PDZRN4: variants seen among roughly 807,000 people sequenced by gnomAD.
PDZRN4 encodes PDZ domain containing ring finger 4.
A neutral mutation model predicts 99.0 loss-of-function variants in PDZRN4; 70 were observed. The ratio of observed to expected loss-of-function variants is 0.71; its 90% confidence interval spans 0.58 to 0.86. PDZRN4 has a LOEUF of 0.86. PDZRN4 is among the 40% of genes least tolerant of loss of function. The probability of loss-of-function intolerance (pLI) is 0.00; values close to 1 mark genes in which losing one functional copy is unlikely to be tolerated. For synonymous variants in PDZRN4, 551 were observed against 501.6 expected (o/e 1.10, Z -1.32); for missense variants, 1,474 against 1,331.2 (o/e 1.11, Z -1.67).
intron 7 of PDZRN4, among the ~76,000 whole-genome samples, chr12:41,558,521 G>A (rs890658438): frequency 4.6e-5 from 7 of 152,142 alleles, no homozygotes; most frequent in Non-Finnish European, 1.0e-4. Context: ...TGTTCTGTGG[G>A]TATAGTTGGA....
chr12:41,543,947 A>C (rs1306452070), intron 5 of PDZRN4, among the ~76,000 whole-genome samples: 1 of 152,238 alleles, frequency 6.6e-6, no homozygotes, highest in East Asian at 1.9e-4. Flanking sequence ...TGGACTAGAA[A>C]GAAAAAGGTG....
At position 41,492,530 on chromosome 12, in the gene PDZRN4, C is replaced by T. The variant is rs1354602265; in HGVS notation, c.844-13926C>T. ...TTTTAACTTTGCTTTGTGATTTGAG[C>T]ATTTTACCAGGTTGTAAGAGTTGAA... On this transcript the variant is annotated intron_variant, in intron 3 of 9. Transcript: ENST00000402685. 2.0e-5 allele frequency among the ~76,000 whole-genome samples: 3 copies of T among 151,914 alleles called. No individual in the cohort carries two copies. In the East Asian group the frequency reaches 5.8e-4, roughly 29 times the overall value.
intron 3 of PDZRN4, among the ~76,000 whole-genome samples, chr12:41,234,143 C>T (rs1276160513): frequency 2.0e-5 from 3 of 151,892 alleles, no homozygotes. Context: ...GATAGTTTTC[C>T]TTTAAACCCC....
At chr12:41,218,158 A>G (rs1431111) in intron 3 of PDZRN4, among the ~76,000 whole-genome samples, 104,356 of 151,574 alleles carry the variant, frequency 0.69, 36,174 homozygotes, top group South Asian at 0.75. Flanking sequence ...TCTTTCTTTC[A>G]TCTGATTTGT....
At chr12:41,248,057 C>T (rs1951144997) in intron 3 of PDZRN4, among the ~76,000 whole-genome samples, 1 of 152,162 alleles carries the variant, frequency 6.6e-6, no homozygotes, top group South Asian at 2.1e-4. Context: ...TGAAATGATG[C>T]TAGTTGTTGC....
At chr12:41,429,127 G>A (rs1440272336) in intron 3 of PDZRN4, among the ~76,000 whole-genome samples, 2 of 152,198 alleles carry the variant, frequency 1.3e-5, no homozygotes, top group Admixed American at 6.5e-5. Flanking sequence ...CTGAAATTAA[G>A]AGGGAAATTA....
At chr12:41,391,206 A>G (rs1952209204) in intron 3 of PDZRN4, among the ~76,000 whole-genome samples, 1 of 152,186 alleles carries the variant, frequency 6.6e-6, no homozygotes, top group Non-Finnish European at 1.5e-5. Context: ...GAAGAAGGTT[A>G]GGGATGGAGG....
intron 3 of PDZRN4, among the ~76,000 whole-genome samples, chr12:41,227,921 C>G (rs1289363027): frequency 7.7e-6 from 1 of 129,668 alleles, no homozygotes. Flanking sequence ...ACACACACAC[C>G]AGAAGGGTTG....
chr12:41,246,446 A>T (rs1951134353), intron 3 of PDZRN4, among the ~76,000 whole-genome samples: 1 of 152,214 alleles, frequency 6.6e-6, no homozygotes, highest in East Asian at 1.9e-4. Context: ...TAATCTAAAA[A>T]TATTCTTCTT....
chr12:41,494,991 G>A (rs1287327923), intron 3 of PDZRN4, among the ~76,000 whole-genome samples: 1 of 152,110 alleles, frequency 6.6e-6, no homozygotes, highest in Admixed American at 6.6e-5. Context: ...TGTCATGCAA[G>A]TTCTACTTTC....
At chr12:41,272,236 T>C (rs1285859011) in intron 3 of PDZRN4, among the ~76,000 whole-genome samples, 1 of 152,108 alleles carries the variant, frequency 6.6e-6, no homozygotes, top group African/African-American at 2.4e-5. Context: ...CTCTTCTGGT[T>C]TTAAAGCCAA....
intron 3 of PDZRN4, among the ~76,000 whole-genome samples, chr12:41,244,306 T>C (rs548925426): frequency 4.6e-5 from 7 of 152,260 alleles, no homozygotes; most frequent in South Asian, 2.1e-4. Flanking sequence ...AATATTTCAA[T>C]ACCTTCTAAC....
chr12:41,467,713 T>G (rs934074376), intron 3 of PDZRN4, among the ~76,000 whole-genome samples: 3 of 152,238 alleles, frequency 2.0e-5, no homozygotes, highest in African/African-American at 7.2e-5. Context: ...CTAGCTTCCC[T>G]GCTAATTTTG....
chr12:41,551,519 G>A (rs1939056517), intron 5 of PDZRN4, among the ~76,000 whole-genome samples: 1 of 152,168 alleles, frequency 6.6e-6, no homozygotes, highest in Middle Eastern at 3.4e-3. Context: ...AAAAATCTCT[G>A]TGCATCTGGA....
chr12:41,358,303 T>C (rs1207293032), intron 3 of PDZRN4, among the ~76,000 whole-genome samples: 1 of 152,032 alleles, frequency 6.6e-6, no homozygotes, highest in African/African-American at 2.4e-5. Context: ...ACCAGAACTC[T>C]CATATATATT....
In PDZRN4 at chr12:41,572,698, A is replaced by G. The variant is rs2120863423; in HGVS notation, c.1919A>G (p.His640Arg). The G allele has an allele frequency of 6.2e-7, 1 of 1,614,194 alleles. No homozygotes were observed. The highest frequency in any genetic ancestry group is 2.2e-5 in the East Asian group (1 of 44,872). The change falls in exon 10 of 10, where the codon CAT (histidine) becomes CGT (arginine). Residue 640 changes from histidine (H) to arginine (R), a missense_variant. His to Arg is a conservative substitution (Grantham distance 29). Coordinates refer to ENST00000402685, the MANE Select transcript of PDZRN4 (RefSeq NM_001164595.2). ...GAGCTCAAATGCAAGATTCGAAATC[A>G]TGGAGAGTATGACCTGTATTACTCA... ...LLELKCKIRN[H>R]GEYDLYYSSS...
At chr12:41,500,283 G>A (rs1938087475) in intron 3 of PDZRN4, among the ~76,000 whole-genome samples, 1 of 151,958 alleles carries the variant, frequency 6.6e-6, no homozygotes, top group African/African-American at 2.4e-5. Context: ...GGATTTTGGA[G>A]CTAAGGGAAG....
intron 9 of PDZRN4, among the ~76,000 whole-genome samples, chr12:41,570,631 G>C (rs1939456205): frequency 6.6e-6 from 1 of 152,006 alleles, no homozygotes; most frequent in Admixed American, 6.6e-5. Context: ...CTCATGACAA[G>C]ATATTAGAAA....
At chr12:41,397,645 A>G (rs539280450) in intron 3 of PDZRN4, among the ~76,000 whole-genome samples, 1 of 152,268 alleles carries the variant, frequency 6.6e-6, no homozygotes, top group East Asian at 1.9e-4. Flanking sequence ...CTTGGGAAAA[A>G]TCCAGAGAAA....
Sources: allele counts gnomAD v4.1 joint callset (sites outside exome capture counted in the v4.1 genomes callset), GRCh38; gene constraint gnomAD v4.1.1; transcripts MANE v1.5; gene names NCBI Gene and HGNC (gene_info 2026-07-23, HGNC 2026-07-21).